The following TRMT61A variants were observed in gnomAD, a reference collection of about 807,000 sequenced individuals.
TRMT61A encodes tRNA methyltransferase 61A.
A neutral mutation model predicts 21.3 loss-of-function variants in TRMT61A; 15 were observed. That is an observed-to-expected ratio of 0.70 (90% CI 0.47 to 1.08). The LOEUF (loss-of-function observed/expected upper bound fraction) is 1.08, where lower values mean the gene tolerates loss of function less well. Among genes scored for constraint, TRMT61A ranks in the 50% least tolerant of loss-of-function variants. TRMT61A has a pLI of 0.00. For missense variants in TRMT61A, 352 were observed against 426.7 expected, an observed-to-expected ratio of 0.83 and a Z score of 1.54; for synonymous variants, 183 against 185.5, an observed-to-expected ratio of 0.99 and a Z score of 0.11.
At chr14:103,532,101 A>G (rs1429516906) in intron 2 of TRMT61A, among the ~76,000 whole-genome samples, 1 of 151,920 alleles carries the variant, frequency 6.6e-6, no homozygotes, top group Non-Finnish European at 1.5e-5. Flanking sequence ...AAGGGGACCA[A>G]GGAGCTTCTG....
Position 103,532,547 on chromosome 14 carries a change from A to G in TRMT61A, c.332-35A>G, listed in dbSNP as rs766044372. On this transcript the variant is annotated intron_variant, in intron 2 of 3. Coordinates refer to ENST00000389749, the MANE Select transcript of TRMT61A (RefSeq NM_152307.3). ...AGGCTGTGGGTCCCGAGCAGTCCCAACTGATGCCTTGCCCATCCCTTCTTG... is the reference window on the plus strand; with the variant it reads ...AGGCTGTGGGTCCCGAGCAGTCCCAGCTGATGCCTTGCCCATCCCTTCTTG... The G allele has an allele frequency of 1.5e-5, 24 of 1,612,524 alleles. No individual in the cohort carries two copies. The East Asian group carries it at 2.7e-4, about 18-fold the overall frequency.
Position 103,535,549 on chromosome 14 carries a change from T to A in TRMT61A, c.*728T>A, listed in dbSNP as rs999197218. ...AGCGCTGCGGAGAGGAGCGGCAGAG[T>A]GGGTTGTCTGCCGCAGGCAACCAGG... On this transcript the variant is annotated 3_prime_UTR_variant, in exon 4 of 4. Coordinates refer to ENST00000389749, the MANE Select transcript of TRMT61A (RefSeq NM_152307.3). The A allele has an allele frequency of 3.6e-5, 12 of 330,294 alleles. No individual in the cohort carries two copies. The highest frequency in any genetic ancestry group is 2.2e-4 in the African/African-American group (10 of 45,644). 20.5% of individuals were successfully genotyped at this position (330,294 alleles called of 1,614,324 possible).
At chr14:103,532,918 G>A in intron 3 of TRMT61A, 70 bp downstream of exon 3, 2 of 1,477,246 alleles carry the variant, frequency 1.4e-6, no homozygotes, top group African/African-American at 1.4e-5. Flanking sequence ...CTGAGCTCCT[G>A]GGATCTCAGA....
Position 103,535,511 on chromosome 14 carries a change from G to A in TRMT61A, c.*690G>A, listed in dbSNP as rs918508108. The A allele has an allele frequency of 5.2e-5, 19 of 363,116 alleles. No individual in the cohort carries two copies. The highest frequency in any genetic ancestry group is 3.0e-4 in the East Asian group (4 of 13,266). 22.5% of individuals were successfully genotyped at this position (363,116 alleles called of 1,614,324 possible). The stretch of plus-strand genomic sequence containing the variant: ...AGAGCCCCTGACATGGGCTGCACTC[G>A]CTGAGGCCAGGCAGCGCTGCGGAGA... On this transcript the variant is annotated 3_prime_UTR_variant, in exon 4 of 4. Transcript: ENST00000389749.
chr14:103,529,229 A>G lies in TRMT61A; in HGVS notation c.-62A>G, dbSNP rs925291483. ...CGCCGCCGCCGCGCGTCGCGGAGGC[A>G]CGTGTGGAGCCCCGGCAGCAGGAGC... On this transcript the variant is annotated 5_prime_UTR_variant, in exon 1 of 4. Coordinates refer to ENST00000389749, the MANE Select transcript of TRMT61A (RefSeq NM_152307.3). The G allele has an allele frequency of 9.6e-6, 3 of 312,920 alleles. No homozygotes were observed. The highest frequency in any genetic ancestry group is 2.0e-5 in the Non-Finnish European group (3 of 153,622). The allele number at this position is 312,920 out of a possible 1,614,324, so 19.4% of individuals were successfully genotyped here. A position where few individuals can be genotyped will look rare whatever the true frequency, so the allele number is the denominator to read the frequency against.
intron 3 of TRMT61A, among the ~76,000 whole-genome samples, chr14:103,533,244 G>A (rs1164538665): frequency 2.0e-5 from 3 of 152,248 alleles, no homozygotes; most frequent in Non-Finnish European, 4.4e-5. Flanking sequence ...CGGAGGCGGG[G>A]CAGCCCTGGG....
chr14:103,534,669 G>A lies in TRMT61A; in HGVS notation c.718G>A (p.Val240Met), dbSNP rs375546923. ...TLEVLPQVYN[V>M]RTVSLPPPDL... Reference sequence around the variant, plus strand: ...GGAGGTGCTGCCACAGGTCTACAACGTGCGCACTGTCAGCCTGCCACCGCC... The same window carrying A: ...GGAGGTGCTGCCACAGGTCTACAACATGCGCACTGTCAGCCTGCCACCGCC... The change falls in exon 4 of 4, where the codon GTG becomes ATG. Residue 240 changes from valine (V) to methionine (M), a missense_variant. Physicochemically the swap from Val to Met is conservative, Grantham distance 21 (BLOSUM62 1). Coordinates refer to ENST00000389749, the MANE Select transcript of TRMT61A (RefSeq NM_152307.3). 37 of 1,610,600 alleles carry A rather than the reference G, an allele frequency of 2.3e-5. No individual in the cohort carries two copies. The highest frequency in any genetic ancestry group is 3.0e-5 in the Non-Finnish European group (35 of 1,179,670).
intron 3 of TRMT61A, among the ~76,000 whole-genome samples, 160 bp from the exon 4 acceptor site, chr14:103,534,390 C>T (rs537433844): frequency 1.3e-5 from 2 of 152,354 alleles, no homozygotes; most frequent in Non-Finnish European, 2.9e-5. Flanking sequence ...GGGCCAGGCC[C>T]CTCTGCCCTG....
intron 3 of TRMT61A, 78 bp downstream of exon 3, chr14:103,532,926 A>G (rs1226624442): frequency 6.8e-7 from 1 of 1,466,806 alleles, no homozygotes; most frequent in African/African-American, 1.4e-5. Flanking sequence ...CTGGGATCTC[A>G]GAGGGGTCCA....
rs569703671 is a variant in TRMT61A at position 103,531,743 on chromosome 14, C to T, written c.332-839C>T. 4.8e-4 allele frequency among the ~76,000 whole-genome samples: 73 copies of T among 152,224 alleles called. No homozygotes were observed. Among genetic ancestry groups the T allele is most frequent in the African/African-American group, 1.6e-3 (68 of 41,550 alleles). ...TGGCCCAAGCACTTGCGATGCTCAGCGCTATTTGGGTTCCAGGCATGGGTG... is the reference window on the plus strand; with the variant it reads ...TGGCCCAAGCACTTGCGATGCTCAGTGCTATTTGGGTTCCAGGCATGGGTG... On this transcript the variant is annotated intron_variant, in intron 2 of 3. Transcript: ENST00000389749. This position sits in a 1 kb window ranked among gnomAD's most constrained non-coding sequence, Gnocchi z 5.1.
chr14:103,529,895 C>T (rs996276684), intron 1 of TRMT61A, 55 bp from the exon 2 acceptor site: 10 of 1,370,968 alleles, frequency 7.3e-6, no homozygotes, highest in Non-Finnish European at 9.9e-6. Flanking sequence ...TACCTAGACC[C>T]TAGGCCCTCA....
In TRMT61A at chr14:103,531,203, C is replaced by T. The variant is rs138271973; in HGVS notation, c.331+894C>T. Among the ~76,000 whole-genome samples, 149 of 152,306 alleles carry T rather than the reference C, an allele frequency of 9.8e-4. No homozygotes were observed. The highest frequency in any genetic ancestry group is 1.9e-3 in the South Asian group (9 of 4,826). ...AACCGTGAACTAGAGAGACCAGGTT[C>T]CTGCCCTCGAGGAGGGGGACACAGC... On this transcript the variant is annotated intron_variant, in intron 2 of 3. Transcript: ENST00000389749. This position sits in a 1 kb window ranked among gnomAD's most constrained non-coding sequence, Gnocchi z 5.1.
At chr14:103,534,109 G>A (rs529692209) in intron 3 of TRMT61A, among the ~76,000 whole-genome samples, 29 of 152,208 alleles carry the variant, frequency 1.9e-4, no homozygotes, top group Non-Finnish European at 3.8e-4. Context: ...CTTCGAGTAG[G>A]CGCCTCCTGT....
rs1044640525 is a variant in TRMT61A, at chr14:103,531,977, C to T, written c.332-605C>T. On this transcript the variant is annotated intron_variant, in intron 2 of 3. Coordinates refer to ENST00000389749, the MANE Select transcript of TRMT61A (RefSeq NM_152307.3). The surrounding 1 kb of genome is among the most constrained non-coding windows in gnomAD (Gnocchi z 5.1). ...GCAGGTGCGCTGGGGAGGACTGGGG[C>T]CGTGTGGCTGGTGGCCAGGCCCTGC... 1.3e-5 allele frequency among the ~76,000 whole-genome samples: 2 copies of T among 151,664 alleles called. No individual in the cohort carries two copies. Among genetic ancestry groups the T allele is most frequent in the Non-Finnish European group, 2.9e-5 (2 of 67,862 alleles).
At chr14:103,529,923 C>T in intron 1 of TRMT61A, 27 bp from the exon 2 acceptor site, 1 of 1,506,610 alleles carries the variant, frequency 6.6e-7, no homozygotes, top group Non-Finnish European at 8.9e-7. Flanking sequence ...TCCTGACTTG[C>T]TCATGCCTAC....
At chr14:103,533,280 GT>G (rs2075961175) in intron 3 of TRMT61A, among the ~76,000 whole-genome samples, 1 of 152,234 alleles carries the variant, frequency 6.6e-6, no homozygotes, top group Non-Finnish European at 1.5e-5. Flanking sequence ...AGCCAGGGAG[GT>G]GGCTGGGAGG....
rs1446903310 is a variant in TRMT61A at position 103,530,049 on chromosome 14, C to T, written c.71C>T (p.Ala24Val). Residue 24 changes from alanine to valine, a missense_variant, in exon 2 of 4, where the codon GCA becomes GTA. Physicochemically the swap from Ala to Val is moderately conservative, Grantham distance 64. Coordinates refer to ENST00000389749, the MANE Select transcript of TRMT61A (RefSeq NM_152307.3). ...GCCATCCTGTCACTGGGCCATGGTG[C>T]AATGGTGGCGGTGCGTGTGCAGCGT... is the stretch of plus-strand genomic sequence containing the variant. ...DTAILSLGHG[A>V]MVAVRVQRGA... is the part of the protein sequence containing the mutation. 1 of 1,613,042 alleles carries T rather than the reference C, an allele frequency of 6.2e-7. No individual in the cohort carries two copies. The highest frequency in any genetic ancestry group is 8.5e-7 in the Non-Finnish European group (1 of 1,179,954).
At chr14:103,530,445 C>A in intron 2 of TRMT61A, 136 bp downstream of exon 2, 1 of 815,852 alleles carries the variant, frequency 1.2e-6, no homozygotes, top group Non-Finnish European at 1.9e-6. Context: ...ATGCTGACAG[C>A]AGGGAGTGAA....
intron 2 of TRMT61A, among the ~76,000 whole-genome samples, chr14:103,530,675 G>A (rs1030740229): frequency 6.6e-6 from 1 of 152,186 alleles, no homozygotes; most frequent in African/African-American, 2.4e-5. Context: ...TGCCCCTTCT[G>A]GAAAGAGGCC....
Sources: gnomAD v4.1 joint callset for allele counts (sites outside exome capture counted in the v4.1 genomes callset) on GRCh38, gnomAD v4.1.1 for gene constraint, Gnocchi (gnomAD v3.1) non-coding constraint, MANE v1.5 for transcripts, NCBI Gene and HGNC (gene_info 2026-07-23, HGNC 2026-07-21) for gene names.